Variants in C1orf21 observed in about 807,000 individuals in gnomAD.
C1orf21 encodes uncharacterized protein C1orf21.
C1orf21 carries 3 observed loss-of-function variants against 18.7 expected under a neutral mutation model. The observed-to-expected ratio is 0.16, with a 90% confidence interval of 0.07 to 0.42. C1orf21 has a LOEUF of 0.42. Among genes scored for constraint, C1orf21 ranks in the 10% least tolerant of loss-of-function variants. The pLI is 0.99. For synonymous variants in C1orf21, 41 were observed against 46.4 expected, an observed-to-expected ratio of 0.88 and a Z score of 0.47; for missense variants, 104 against 143.6, an observed-to-expected ratio of 0.72 and a Z score of 1.41.
intron 2 of C1orf21, among the ~76,000 whole-genome samples, chr1:184,505,306 AATATAT>A (rs59445875): frequency 1.9e-3 from 130 of 66,774 alleles, no homozygotes; most frequent in South Asian, 4.9e-3. Flanking sequence ...TACATAAAGA[AATATAT>A]ATATATATAT....
chr1:184,476,611 T>C (rs760026953), intron 1 of C1orf21, among the ~76,000 whole-genome samples: 1 of 152,200 alleles, frequency 6.6e-6, no homozygotes, highest in Non-Finnish European at 1.5e-5. Flanking sequence ...TTGCAGTGTA[T>C]CTGTAAATAC....
intron 3 of C1orf21, among the ~76,000 whole-genome samples, chr1:184,545,005 T>C (rs933409745): frequency 6.6e-6 from 1 of 152,220 alleles, no homozygotes; most frequent in Non-Finnish European, 1.5e-5. Flanking sequence ...AGGGGGAAGC[T>C]GCAATCATTT....
chr1:184,599,350 T>C (rs1357239268), intron 5 of C1orf21: 2 of 152,230 alleles, frequency 1.3e-5, no homozygotes, highest in Non-Finnish European at 1.5e-5. Context: ...TATTTATTTA[T>C]GAATTTCTAA....
intron 3 of C1orf21, among the ~76,000 whole-genome samples, chr1:184,579,008 AAAAAAAG>A (rs1326864891): frequency 6.6e-6 from 1 of 151,358 alleles, no homozygotes; most frequent in East Asian, 1.9e-4. Flanking sequence ...AAAAAAAAAA[AAAAAAAG>A]AACTGAGCGT....
intron 1 of C1orf21, among the ~76,000 whole-genome samples, chr1:184,431,491 C>T (rs1656761587): frequency 1.3e-5 from 2 of 152,110 alleles, no homozygotes; most frequent in Admixed American, 6.5e-5. Flanking sequence ...AAGACTTAAA[C>T]ATAAGACCTA....
chr1:184,460,622 CTTCTT>C (rs1169796941), intron 1 of C1orf21, among the ~76,000 whole-genome samples: 1 of 13,270 alleles, frequency 7.5e-5, no homozygotes, highest in Non-Finnish European at 5.0e-4. Flanking sequence ...TCGTCGTCGT[CTTCTT>C]CTTCTTCTTC....
chr1:184,498,856 A>G (rs1483086090), intron 2 of C1orf21, among the ~76,000 whole-genome samples: 2 of 152,338 alleles, frequency 1.3e-5, no homozygotes, highest in East Asian at 3.9e-4. Flanking sequence ...GGAAACACTA[A>G]TAAGAGCATG....
chr1:184,586,231 G>T (rs1404311247), intron 3 of C1orf21, among the ~76,000 whole-genome samples: 1 of 150,446 alleles, frequency 6.6e-6, no homozygotes, highest in South Asian at 2.1e-4. Flanking sequence ...TCATATGATT[G>T]TTGGCTGCAT....
Position 184,561,807 on chromosome 1 carries a change from G to A in C1orf21, c.190-28932G>A, listed in dbSNP as rs545477548. On this transcript the variant is annotated intron_variant, in intron 3 of 5. Transcript: ENST00000235307. ...TAATTTTTGTATTTTTAGTAGAGAC[G>A]GGGTTTCACCATATTGGCCAGGCTA... Among the ~76,000 whole-genome samples, 20 of 152,052 alleles carry A rather than the reference G, an allele frequency of 1.3e-4. No individual in the cohort carries two copies. In the South Asian group the frequency reaches 1.9e-3, roughly 14 times the overall value.
chr1:184,396,995 C>T (rs1044158122), intron 1 of C1orf21, among the ~76,000 whole-genome samples: 1 of 152,070 alleles, frequency 6.6e-6, no homozygotes, highest in Admixed American at 6.5e-5. Flanking sequence ...ATAGTTGAAG[C>T]TGTTGTGGTT....
intron 3 of C1orf21, among the ~76,000 whole-genome samples, chr1:184,555,368 G>C (rs1035867793): frequency 1.1e-4 from 17 of 152,004 alleles, no homozygotes; most frequent in Admixed American, 1.1e-3. Context: ...CCTGTGAGCT[G>C]CTGCCAATGT....
chr1:184,507,658 A>C lies in C1orf21; in HGVS notation c.165A>C (p.Ile55=), dbSNP rs1384696721. ...MKNGAEEEQK[I]AARNQENLEK... ...ATGGGGCAGAAGAAGAGCAGAAAAT[A>C]GCAGCCAGGAACCAAGAAAACTTGG... Residue 55 remains isoleucine (I), a synonymous_variant, in exon 3 of 6, where the codon ATA becomes ATC. Coordinates refer to ENST00000235307, the MANE Select transcript of C1orf21 (RefSeq NM_030806.4). 1 of 1,602,198 alleles carries C rather than the reference A, an allele frequency of 6.2e-7. No individual in the cohort carries two copies. The highest frequency in any genetic ancestry group is 1.1e-5 in the South Asian group (1 of 88,454).
chr1:184,449,126 T>C (rs1043782177), intron 1 of C1orf21, among the ~76,000 whole-genome samples: 13 of 152,142 alleles, frequency 8.5e-5, no homozygotes, highest in Admixed American at 3.9e-4. Flanking sequence ...TGTATACATG[T>C]GCCATGTTGG....
chr1:184,402,327 T>C (rs920206012), intron 1 of C1orf21, among the ~76,000 whole-genome samples: 1 of 151,724 alleles, frequency 6.6e-6, no homozygotes, highest in African/African-American at 2.4e-5. Flanking sequence ...AGAATGGATC[T>C]AATTTTTGCA....
intron 3 of C1orf21, among the ~76,000 whole-genome samples, chr1:184,555,594 C>T (rs1355415843): frequency 6.6e-6 from 1 of 152,024 alleles, no homozygotes; most frequent in Non-Finnish European, 1.5e-5. Context: ...CACCTGTTAC[C>T]TTCTTTACCC....
intron 4 of C1orf21, among the ~76,000 whole-genome samples, chr1:184,592,528 G>T (rs1659453646): frequency 6.6e-6 from 1 of 152,196 alleles, no homozygotes; most frequent in Admixed American, 6.5e-5. Context: ...CAAAGAGGCT[G>T]TGTTATCCCA....
intron 3 of C1orf21, among the ~76,000 whole-genome samples, chr1:184,551,057 G>A (rs910395400): frequency 6.6e-6 from 1 of 152,184 alleles, no homozygotes; most frequent in Non-Finnish European, 1.5e-5. Flanking sequence ...AAACAGTTTA[G>A]TGCCAGCATA....
intron 2 of C1orf21, among the ~76,000 whole-genome samples, chr1:184,488,144 G>A (rs1180013928): frequency 6.6e-6 from 1 of 152,146 alleles, no homozygotes; most frequent in African/African-American, 2.4e-5. Context: ...AGATATGTGT[G>A]TTCCTATGGT....
chr1:184,530,945 C>T lies in C1orf21; in HGVS notation c.189+23263C>T, dbSNP rs1002100941. On this transcript the variant is annotated intron_variant, in intron 3 of 5. Coordinates refer to ENST00000235307, the MANE Select transcript of C1orf21 (RefSeq NM_030806.4). ...AGGCAGAAACATTTTGGGATACCTA[C>T]GGCCATTTAAATATTATGTAGGTTT... is the stretch of plus-strand genomic sequence containing the variant. Among the ~76,000 whole-genome samples, 12 of 152,126 alleles carry T rather than the reference C, an allele frequency of 7.9e-5. No individual in the cohort carries two copies. In the South Asian group the frequency reaches 8.3e-4, roughly 11 times the overall value.
Sources: allele counts gnomAD v4.1 joint callset (sites outside exome capture counted in the v4.1 genomes callset), GRCh38; gene constraint gnomAD v4.1.1; transcripts MANE v1.5; gene names NCBI Gene and HGNC (gene_info 2026-07-23, HGNC 2026-07-21).